The following AGBL1 variants were observed in gnomAD, a reference collection of about 807,000 sequenced individuals.
AGBL1 encodes cytosolic carboxypeptidase 4.
Under a neutral mutation model 118.9 loss-of-function variants are expected in AGBL1, and 130 were observed. The observed-to-expected ratio is 1.09, with a 90% confidence interval of 0.95 to 1.26. The LOEUF is 1.26. Ranked by LOEUF, AGBL1 falls within the 50% of genes most tolerant of loss-of-function variation. The probability of loss-of-function intolerance (pLI) is 0.00; values close to 1 mark genes in which losing one functional copy is unlikely to be tolerated. For synonymous variants in AGBL1, 555 were observed against 478.9 expected (o/e 1.16, Z -2.08); for missense variants, 1,584 against 1,298.1 (o/e 1.22, Z -3.38).
At position 86,863,437 on chromosome 15, in the gene AGBL1, C is replaced by T. The variant is rs575775494; in HGVS notation, c.3159-43650C>T. ...GGCTCTAGATTCAAGCCCTTGAGGCCTAATGGATGTCTCATCCACAGCATG... is the reference window on the plus strand; with the variant it reads ...GGCTCTAGATTCAAGCCCTTGAGGCTTAATGGATGTCTCATCCACAGCATG... On this transcript the variant is annotated intron_variant, in intron 22 of 22. Transcript: ENST00000614907. 3.9e-5 allele frequency among the ~76,000 whole-genome samples: 6 copies of T among 152,048 alleles called. No homozygotes were observed. The South Asian group carries it at 8.3e-4, about 21-fold the overall frequency.
At chr15:86,283,467 G>C (rs1222036189) in intron 16 of AGBL1, among the ~76,000 whole-genome samples, 2 of 150,774 alleles carry the variant, frequency 1.3e-5, no homozygotes, top group Non-Finnish European at 3.0e-5. Context: ...TATCTCCAGA[G>C]ACAGGGGTGG....
At chr15:86,634,988 C>G (rs889225308) in intron 21 of AGBL1, among the ~76,000 whole-genome samples, 1 of 151,730 alleles carries the variant, frequency 6.6e-6, no homozygotes, top group Non-Finnish European at 1.5e-5. Flanking sequence ...CTAAAGGGAA[C>G]GCCACTAGAT....
chr15:86,246,703 TA>T (rs34579267), intron 6 of AGBL1, among the ~76,000 whole-genome samples: 45,864 of 152,068 alleles, frequency 0.3, 7,188 homozygotes, highest in Middle Eastern at 0.43. Flanking sequence ...AAGTCATGCC[TA>T]AAAAATGGAT....
chr15:86,323,693 T>C (rs920197271), intron 17 of AGBL1, among the ~76,000 whole-genome samples: 1 of 152,312 alleles, frequency 6.6e-6, no homozygotes, highest in South Asian at 2.1e-4. Flanking sequence ...GTATAGACAA[T>C]CTAAAAAGAA....
At chr15:86,407,341 G>A (rs1207363264) in intron 18 of AGBL1, among the ~76,000 whole-genome samples, 2 of 152,112 alleles carry the variant, frequency 1.3e-5, no homozygotes, top group African/African-American at 4.8e-5. Context: ...TGTTTGCAAA[G>A]CTCTTGTTCT....
At chr15:86,118,832 G>A (rs868032636) in intron 1 of AGBL1, among the ~76,000 whole-genome samples, 15 of 152,068 alleles carry the variant, frequency 9.9e-5, no homozygotes, top group East Asian at 7.7e-4. Flanking sequence ...TCAATTTCTC[G>A]TCTATTGTGC....
At chr15:86,563,166 T>C (rs1011241597) in intron 21 of AGBL1, among the ~76,000 whole-genome samples, 5 of 152,204 alleles carry the variant, frequency 3.3e-5, no homozygotes, top group African/African-American at 1.2e-4. Context: ...TGATCTTAGT[T>C]ATTTCTTGCC....
chr15:86,900,736 C>G (rs2080200394), intron 22 of AGBL1, among the ~76,000 whole-genome samples: 1 of 151,778 alleles, frequency 6.6e-6, no homozygotes, highest in Non-Finnish European at 1.5e-5. Context: ...ATATCTCTGC[C>G]CAACCTTTTT....
chr15:86,784,467 C>T (rs998610161), intron 22 of AGBL1, among the ~76,000 whole-genome samples: 3 of 152,118 alleles, frequency 2.0e-5, no homozygotes, highest in South Asian at 2.1e-4. Context: ...CTGGGTAGCT[C>T]GTTATGAATG....
intron 18 of AGBL1, among the ~76,000 whole-genome samples, chr15:86,493,271 T>C (rs914467227): frequency 6.6e-6 from 1 of 151,822 alleles, no homozygotes; most frequent in Non-Finnish European, 1.5e-5. Flanking sequence ...GGTGATCACG[T>C]GTTTTAGAAA....
At chr15:86,751,327 T>C (rs1212974920) in intron 22 of AGBL1, among the ~76,000 whole-genome samples, 3 of 152,140 alleles carry the variant, frequency 2.0e-5, no homozygotes, top group African/African-American at 7.2e-5. Flanking sequence ...CTGAGTCATA[T>C]GCAGAAGGTT....
At chr15:87,018,844 G>A (rs1041067924) in intron 24 of AGBL1, among the ~76,000 whole-genome samples, 2 of 152,038 alleles carry the variant, frequency 1.3e-5, no homozygotes, top group Admixed American at 6.6e-5. Flanking sequence ...GATAATGAGT[G>A]AAGAAGACCC....
chr15:86,304,094 T>A (rs768679158), intron 17 of AGBL1, among the ~76,000 whole-genome samples: 3 of 152,186 alleles, frequency 2.0e-5, no homozygotes, highest in African/African-American at 7.2e-5. Context: ...AAGAATTGTT[T>A]ACACTACAAG....
chr15:86,843,117 A>G (rs963119937), intron 22 of AGBL1, among the ~76,000 whole-genome samples: 7 of 152,184 alleles, frequency 4.6e-5, no homozygotes, highest in African/African-American at 1.7e-4. Flanking sequence ...GTAAATAATG[A>G]TAGCATCCTT....
intron 17 of AGBL1, chr15:86,296,772 A>C (rs12908442): frequency 0.088 from 13,369 of 152,142 alleles, 700 homozygotes; most frequent in Middle Eastern, 0.15. Context: ...GTCACAGAGT[A>C]CCCCCCGTCA....
intron 17 of AGBL1, among the ~76,000 whole-genome samples, chr15:86,376,645 C>A (rs546678396): frequency 6.6e-6 from 1 of 152,328 alleles, no homozygotes; most frequent in African/African-American, 2.4e-5. Context: ...ATGTGGCTGA[C>A]CTGCAGTCTC....
At chr15:86,930,261 C>T (rs889977846) in intron 23 of AGBL1, among the ~76,000 whole-genome samples, 1 of 152,130 alleles carries the variant, frequency 6.6e-6, no homozygotes, top group Admixed American at 6.5e-5. Flanking sequence ...GAAAAACCCT[C>T]CAGAGTGAAA....
intron 22 of AGBL1, among the ~76,000 whole-genome samples, chr15:86,787,385 A>C (rs1438671454): frequency 6.6e-6 from 1 of 152,140 alleles, no homozygotes; most frequent in Non-Finnish European, 1.5e-5. Flanking sequence ...CATTCTATGT[A>C]ACTGCAAATT....
chr15:86,976,063 T>C (rs2081173715), intron 23 of AGBL1, among the ~76,000 whole-genome samples: 1 of 152,040 alleles, frequency 6.6e-6, no homozygotes, highest in Non-Finnish European at 1.5e-5. Context: ...GTTACACATA[T>C]TCATTGTAGA....
Sources: gnomAD v4.1 joint callset for allele counts (sites outside exome capture counted in the v4.1 genomes callset) on GRCh38, gnomAD v4.1.1 for gene constraint, MANE v1.5 for transcripts, NCBI Gene and HGNC (gene_info 2026-07-23, HGNC 2026-07-21) for gene names.